Variants in WWOX observed in about 807,000 individuals in gnomAD.
The protein encoded by WWOX is WW domain-containing oxidoreductase.
Under a neutral mutation model 46.2 loss-of-function variants are expected in WWOX, and 69 were observed. That is an observed-to-expected ratio of 1.49 (90% CI 1.23 to 1.82). WWOX has a LOEUF of 1.82. Ranked by LOEUF, WWOX falls within the 40% of genes most tolerant of loss-of-function variation. The probability of loss-of-function intolerance (pLI) is 0.00; values close to 1 mark genes in which losing one functional copy is unlikely to be tolerated. For missense variants in WWOX, 919 were observed against 542.6 expected, an observed-to-expected ratio of 1.69 and a Z score of -6.89; for synonymous variants, 359 against 202.6, an observed-to-expected ratio of 1.77 and a Z score of -6.56.
chr16:78,901,421 C>T (rs1294130623), intron 8 of WWOX, among the ~76,000 whole-genome samples: 4 of 152,156 alleles, frequency 2.6e-5, no homozygotes, highest in African/African-American at 7.2e-5. Context: ...TTTTCCCTCT[C>T]CCCACAACCA....
intron 8 of WWOX, chr16:78,496,530 G>A (rs2084923494): frequency 6.6e-6 from 1 of 152,202 alleles, no homozygotes; most frequent in Non-Finnish European, 1.5e-5. Flanking sequence ...AACATCAAAG[G>A]TGTGTGTACC....
At chr16:79,072,188 A>G (rs1379874748) in intron 8 of WWOX, among the ~76,000 whole-genome samples, 1 of 152,128 alleles carries the variant, frequency 6.6e-6, no homozygotes, top group Admixed American at 6.5e-5. Context: ...CAGGAAGCTG[A>G]GATGGGAGGA....
intron 8 of WWOX, among the ~76,000 whole-genome samples, chr16:79,058,661 A>C (rs887376991): frequency 1.3e-5 from 2 of 152,328 alleles, no homozygotes; most frequent in Admixed American, 6.5e-5. Context: ...GATTTATATA[A>C]TCAATCAACT....
chr16:78,324,954 T>C (rs938026192), intron 5 of WWOX, among the ~76,000 whole-genome samples: 4 of 152,130 alleles, frequency 2.6e-5, no homozygotes, highest in Admixed American at 6.5e-5. Context: ...TGTTAAAAAA[T>C]CTGAAAGTGT....
At chr16:78,540,562 A>T (rs2043867534) in intron 8 of WWOX, among the ~76,000 whole-genome samples, 1 of 152,160 alleles carries the variant, frequency 6.6e-6, no homozygotes. Flanking sequence ...ATTAATGCTG[A>T]TATTTCCCGT....
At chr16:78,333,311 A>G (rs370390568) in intron 5 of WWOX, among the ~76,000 whole-genome samples, 1 of 133,728 alleles carries the variant, frequency 7.5e-6, no homozygotes, top group Non-Finnish European at 1.7e-5. Context: ...GGCCTGCCAA[A>G]GTGCTGGGAT....
At chr16:78,892,875 C>G (rs1221175346) in intron 8 of WWOX, among the ~76,000 whole-genome samples, 1 of 152,200 alleles carries the variant, frequency 6.6e-6, no homozygotes, top group African/African-American at 2.4e-5. Flanking sequence ...TGGCTTCATT[C>G]ATTGGTATCT....
intron 5 of WWOX, among the ~76,000 whole-genome samples, chr16:78,188,217 C>T (rs34450866): frequency 0.14 from 20,876 of 152,002 alleles, 1,747 homozygotes; most frequent in East Asian, 0.19. Context: ...TGGCCGGGCG[C>T]GGGAGCTCAC....
chr16:79,161,454 G>T (rs2050485059), intron 8 of WWOX, among the ~76,000 whole-genome samples: 1 of 152,154 alleles, frequency 6.6e-6, no homozygotes, highest in African/African-American at 2.4e-5. Context: ...GGAGGAGTAG[G>T]GGAGAGAAGG....
At chr16:78,415,247 A>T (rs1003051701) in intron 6 of WWOX, among the ~76,000 whole-genome samples, 2 of 151,976 alleles carry the variant, frequency 1.3e-5, no homozygotes, top group East Asian at 3.9e-4. Flanking sequence ...TTGCCATGGC[A>T]TGTGTACACT....
intron 8 of WWOX, among the ~76,000 whole-genome samples, chr16:78,606,840 T>G (rs1040973480): frequency 1.8e-4 from 27 of 151,870 alleles, no homozygotes; most frequent in African/African-American, 6.5e-4. Flanking sequence ...AATTAGCCTG[T>G]GTTGAATGTA....
intron 8 of WWOX, among the ~76,000 whole-genome samples, chr16:78,433,146 C>T (rs1473098172): frequency 6.6e-6 from 1 of 152,174 alleles, no homozygotes; most frequent in Admixed American, 6.5e-5. Context: ...TTGGTGACTA[C>T]TGAATTTTCA....
At chr16:78,646,133 C>T (rs116734797) in intron 8 of WWOX, among the ~76,000 whole-genome samples, 2,906 of 152,246 alleles carry the variant, frequency 0.019, 76 homozygotes, top group African/African-American at 0.066. Flanking sequence ...ATCTGCCATG[C>T]CAAATAACAC....
At chr16:78,623,719 A>G (rs1272585535) in intron 8 of WWOX, among the ~76,000 whole-genome samples, 1 of 135,668 alleles carries the variant, frequency 7.4e-6, no homozygotes, top group Non-Finnish European at 1.6e-5. Context: ...TGGGCAACAG[A>G]GTCAGACTCT....
rs540297023 is a variant in WWOX, at chr16:78,266,086, T to C, written c.516+101797T>C. On this transcript the variant is annotated intron_variant, in intron 5 of 8. Coordinates refer to ENST00000566780, the MANE Select transcript of WWOX (RefSeq NM_016373.4). Reference sequence around the variant, plus strand: ...TGAAACAATTTCCCCTGCATCAAACTGTCTCTGATATGAAGGGTCTACACA... The same window carrying C: ...TGAAACAATTTCCCCTGCATCAAACCGTCTCTGATATGAAGGGTCTACACA... The C allele has an allele frequency of 1.2e-4, 19 of 152,292 alleles. No homozygotes were observed. The East Asian group carries it at 2.9e-3, about 23-fold the overall frequency. The allele number at this position is 152,292 out of a possible 1,614,324, so 9.4% of individuals were successfully genotyped here.
chr16:78,703,600 C>T (rs1002990212), intron 8 of WWOX, among the ~76,000 whole-genome samples: 7 of 152,018 alleles, frequency 4.6e-5, no homozygotes, highest in African/African-American at 1.7e-4. Flanking sequence ...TCCTGGGCAA[C>T]AGAGTGAGAT....
chr16:79,022,133 G>A (rs979313027), intron 8 of WWOX, among the ~76,000 whole-genome samples: 11 of 152,178 alleles, frequency 7.2e-5, no homozygotes, highest in Non-Finnish European at 1.5e-5. Flanking sequence ...CCTGAAACAG[G>A]CCAGAAAGCA....
At chr16:78,164,626 G>A (rs562467776) in intron 5 of WWOX, among the ~76,000 whole-genome samples, 55 of 152,310 alleles carry the variant, frequency 3.6e-4, no homozygotes, top group Non-Finnish European at 6.8e-4. Flanking sequence ...GTTAAGATTA[G>A]AAAGAAGGAG....
At chr16:79,142,689 A>G (rs1432609072) in intron 8 of WWOX, among the ~76,000 whole-genome samples, 2 of 152,104 alleles carry the variant, frequency 1.3e-5, no homozygotes, top group Admixed American at 1.3e-4. Flanking sequence ...TGCCTGGATC[A>G]GTTTTTGTTT....
Sources: gnomAD v4.1 joint callset for allele counts (sites outside exome capture counted in the v4.1 genomes callset) on GRCh38, gnomAD v4.1.1 for gene constraint, MANE v1.5 for transcripts, NCBI Gene and HGNC (gene_info 2026-07-23, HGNC 2026-07-21) for gene names.